The following TP53BP1 variants were observed in gnomAD, a reference collection of about 807,000 sequenced individuals.
The protein encoded by TP53BP1 is TP53-binding protein 1.
In TP53BP1, 61 loss-of-function variants were observed where a neutral mutation model predicts 200.8. That is an observed-to-expected ratio of 0.30 (90% confidence interval 0.25 to 0.38). The LOEUF (loss-of-function observed/expected upper bound fraction) is 0.38. Ranked by LOEUF, TP53BP1 falls within the 10% of genes least tolerant of loss-of-function variation. The pLI, the probability that TP53BP1 is intolerant of heterozygous loss-of-function variation, is 1.00. For synonymous variants in TP53BP1, 822 were observed against 844.3 expected (o/e 0.97, Z 0.46); for missense variants, 2,144 against 2,371.9 (o/e 0.90, Z 2.00).
chr15:43,404,973 G>T lies in TP53BP1; in HGVS notation c.*2410C>A. 1.8e-6 allele frequency: 1 copy of T among 546,838 alleles called. No individual in the cohort carries two copies. The allele number at this position is 546,838 out of a possible 1,614,324, so 33.9% of individuals were successfully genotyped here. On this transcript the variant is annotated 3_prime_UTR_variant, in exon 28 of 28. Transcript: ENST00000382044. The stretch of plus-strand genomic sequence containing the variant: ...CTGATACCGAGATTCAGTGGTAGCT[G>T]GCTTCCCAGAGGTCTGTCATTCCCA...
chr15:43,409,075 G>A lies in TP53BP1; in HGVS notation c.5422C>T (p.Leu1808Phe), dbSNP rs772035746. Residue 1808 changes from leucine to phenylalanine, a missense_variant, in exon 26 of 28, where the codon CTT becomes TTT. Leu to Phe is a conservative substitution (Grantham distance 22). Coordinates refer to ENST00000382044, the MANE Select transcript of TP53BP1 (RefSeq NM_001141980.3). The stretch of plus-strand genomic sequence containing the variant: ...CGACAATGCTGATCCGCAATTAGAA[G>A]ACACTGGTAAGCTGTGTTACACTGC... ...EAQCNTAYQC[L>F]LIADQHCRTR... 1 of 1,614,208 alleles carries A rather than the reference G, an allele frequency of 6.2e-7. No homozygotes were observed. The highest frequency in any genetic ancestry group is 8.5e-7 in the Non-Finnish European group (1 of 1,180,036).
chr15:43,469,389 GAC>G (rs1401357845), intron 11 of TP53BP1, among the ~76,000 whole-genome samples: 1 of 151,974 alleles, frequency 6.6e-6, no homozygotes, highest in African/African-American at 2.4e-5. Context: ...GAATTATTAC[GAC>G]ACAACATTAA....
Position 43,447,495 on chromosome 15 carries a change from A to G in TP53BP1, c.2717-10T>C. 1 of 1,490,004 alleles carries G rather than the reference A, an allele frequency of 6.7e-7. No individual in the cohort carries two copies. The highest frequency in any genetic ancestry group is 8.9e-7 in the Non-Finnish European group (1 of 1,119,172). The allele number at this position is 1,490,004 out of a possible 1,614,324, so 92.3% of individuals were successfully genotyped here. ...AAATGAAATGGGGTTTCTGAAAAAAAAAAAAAAAAGAAAAAAGAAAGAAAG... is the reference window on the plus strand; with the variant it reads ...AAATGAAATGGGGTTTCTGAAAAAAGAAAAAAAAAGAAAAAAGAAAGAAAG... On this transcript the variant is annotated splice_polypyrimidine_tract_variant and intron_variant, in intron 12 of 27. Transcript: ENST00000382044.
chr15:43,409,168 A>T (rs945648125), intron 25 of TP53BP1, 72 bp from the exon 26 acceptor site: 2 of 1,407,214 alleles, frequency 1.4e-6, no homozygotes, highest in African/African-American at 2.8e-5. Context: ...AGCCATAATG[A>T]GCCATGAAGA....
chr15:43,493,621 G>A (rs1009896088), upstream of TP53BP1, among the ~76,000 whole-genome samples: 3 of 152,112 alleles, frequency 2.0e-5, no homozygotes, highest in African/African-American at 4.8e-5. Flanking sequence ...CTTTGACACA[G>A]GGTTAACCTG....
intron 12 of TP53BP1, among the ~76,000 whole-genome samples, chr15:43,453,219 G>GT (rs2046214001): frequency 9.9e-6 from 1 of 101,406 alleles, no homozygotes; most frequent in African/African-American, 4.6e-5. Flanking sequence ...AAAAAAAAAA[G>GT]TACTCCAAAA....
chr15:43,447,077 T>C (rs1212118235), intron 13 of TP53BP1: 2 of 461,118 alleles, frequency 4.3e-6, no homozygotes, highest in African/African-American at 2.0e-5. Flanking sequence ...AAAACATCTC[T>C]ACATCACTAC....
At chr15:43,487,866 A>T (rs1330340786) in intron 4 of TP53BP1, among the ~76,000 whole-genome samples, 1 of 152,208 alleles carries the variant, frequency 6.6e-6, no homozygotes, top group Non-Finnish European at 1.5e-5. Flanking sequence ...AAGAAAAAAA[A>T]ATGCAGATGT....
intron 23 of TP53BP1, among the ~76,000 whole-genome samples, chr15:43,414,997 C>T (rs1335289695): frequency 1.3e-5 from 2 of 152,020 alleles, no homozygotes; most frequent in African/African-American, 2.4e-5. Flanking sequence ...TGTGAGCCAC[C>T]ATGCCCAGCC....
intron 8 of TP53BP1, among the ~76,000 whole-genome samples, chr15:43,476,056 G>A (rs2078877085): frequency 6.6e-6 from 1 of 152,102 alleles, no homozygotes; most frequent in African/African-American, 2.4e-5. Context: ...TCTGAGGTCA[G>A]GAGTTCAAGA....
chr15:43,425,973 G>A (rs1232723049), intron 18 of TP53BP1, among the ~76,000 whole-genome samples: 1 of 150,918 alleles, frequency 6.6e-6, no homozygotes, highest in African/African-American at 2.4e-5. Flanking sequence ...GCTGAGGCAG[G>A]AGAATGGCGT....
Position 43,493,156 on chromosome 15 carries a change from C to G in TP53BP1, c.-113G>C. ...CCACCGCCGCCACCGGCCGCGAACT[C>G]CCCCTTTCCCGTCACGTCACACAAT... is the stretch of plus-strand genomic sequence containing the variant. On this transcript the variant is annotated 5_prime_UTR_variant, in exon 1 of 28. Coordinates refer to ENST00000382044, the MANE Select transcript of TP53BP1 (RefSeq NM_001141980.3). The G allele has an allele frequency of 6.4e-7, 1 of 1,554,076 alleles. No homozygotes were observed. The highest frequency in any genetic ancestry group is 8.7e-7 in the Non-Finnish European group (1 of 1,156,048).
Position 43,405,469 on chromosome 15 carries a change from T to A in TP53BP1, c.*1914A>T. 1.8e-6 allele frequency: 1 copy of A among 562,296 alleles called. No individual in the cohort carries two copies. The highest frequency in any genetic ancestry group is 3.2e-6 in the Non-Finnish European group (1 of 315,616). 34.8% of individuals were successfully genotyped at this position (562,296 alleles called of 1,614,324 possible). On this transcript the variant is annotated 3_prime_UTR_variant, in exon 28 of 28. Coordinates refer to ENST00000382044, the MANE Select transcript of TP53BP1 (RefSeq NM_001141980.3). Reference sequence around the variant, plus strand: ...TTACATTGAGAACATTTGTTGGATATGTTCATTTATTCAATAGTCATTTAT... The same window carrying A: ...TTACATTGAGAACATTTGTTGGATAAGTTCATTTATTCAATAGTCATTTAT...
rs746752959 is a variant in TP53BP1, at chr15:43,428,005, G to A, written c.3828+11C>T. 53 of 1,553,242 alleles carry A rather than the reference G, an allele frequency of 3.4e-5. No individual in the cohort carries two copies. Among genetic ancestry groups the A allele is most frequent in the Non-Finnish European group, 4.2e-5 (48 of 1,138,890 alleles). On this transcript the variant is annotated intron_variant, in intron 18 of 27. Coordinates refer to ENST00000382044, the MANE Select transcript of TP53BP1 (RefSeq NM_001141980.3). ...AAGAAATTTGCCACACAGACTCAGA[G>A]TATGTATTACCTCAGTTACTTTTCT...
chr15:43,502,737 G>A (rs775851959), intron 1 of TP53BP1, among the ~76,000 whole-genome samples: 2 of 151,436 alleles, frequency 1.3e-5, no homozygotes, highest in South Asian at 2.1e-4. Context: ...GGGATTACAC[G>A]CGTGAGCCAC....
upstream of TP53BP1, among the ~76,000 whole-genome samples, chr15:43,497,152 G>T (rs1245648263): frequency 6.6e-6 from 1 of 152,200 alleles, no homozygotes; most frequent in African/African-American, 2.4e-5. Context: ...CCAGTACTTT[G>T]GGAGGCCAAG....
chr15:43,416,210 A>T lies in TP53BP1; in HGVS notation c.4873+15T>A. On this transcript the variant is annotated intron_variant, in intron 22 of 27. Coordinates refer to ENST00000382044, the MANE Select transcript of TP53BP1 (RefSeq NM_001141980.3). ...AGGAGCCCAAAAGCAGCTGTTCAGG[A>T]AGCAAAAGTCTTACCTAAGCTGATA... 1 of 1,606,866 alleles carries T rather than the reference A, an allele frequency of 6.2e-7. No individual in the cohort carries two copies. Among genetic ancestry groups the T allele is most frequent in the Non-Finnish European group, 8.5e-7 (1 of 1,177,324 alleles).
intron 18 of TP53BP1, among the ~76,000 whole-genome samples, chr15:43,425,114 T>C (rs1222769670): frequency 1.3e-5 from 2 of 152,196 alleles, no homozygotes; most frequent in Non-Finnish European, 1.5e-5. Context: ...TCACCAGATG[T>C]AGCCCCTTGA....
At chr15:43,510,509 C>CA (rs35271859) in exon 1 of TP53BP1, 23,779 of 132,934 alleles carry the variant, frequency 0.18, 2,042 homozygotes, top group Middle Eastern at 0.24. Flanking sequence ...TGACAAAAAA[C>CA]AAAAAAAAAA....
Sources: allele counts gnomAD v4.1 joint callset (sites outside exome capture counted in the v4.1 genomes callset), GRCh38; gene constraint gnomAD v4.1.1; transcripts MANE v1.5; gene names NCBI Gene and HGNC (gene_info 2026-07-23, HGNC 2026-07-21).